The following OXCT1 variants were observed in gnomAD, a reference collection of about 807,000 sequenced individuals.
OXCT1 encodes 3-oxoacid CoA-transferase 1.
OXCT1 carries 27 observed loss-of-function variants against 69.6 expected under a neutral mutation model. The observed-to-expected ratio is 0.39, with a 90% CI of 0.29 to 0.54. OXCT1 has a LOEUF of 0.54. Among genes scored for constraint, OXCT1 ranks in the 20% least tolerant of loss-of-function variants. The pLI is 0.72. For synonymous variants in OXCT1, 202 were observed against 217.8 expected (o/e 0.93, Z 0.64); for missense variants, 437 against 650.2 (o/e 0.67, Z 3.57).
intron 1 of OXCT1, among the ~76,000 whole-genome samples, chr5:41,867,828 C>A (rs17213962): frequency 0.31 from 46,545 of 152,154 alleles, 8,823 homozygotes; most frequent in Non-Finnish European, 0.42. Context: ...ACTCTTATAA[C>A]CTTTTTCCCA....
At chr5:41,736,808 A>G (rs1489187640) in intron 16 of OXCT1, among the ~76,000 whole-genome samples, 2 of 152,212 alleles carry the variant, frequency 1.3e-5, no homozygotes, top group African/African-American at 4.8e-5. Flanking sequence ...GTTGACTGCC[A>G]GTTGAAGGCT....
At chr5:41,803,622 A>C (rs768149784) in intron 9 of OXCT1, among the ~76,000 whole-genome samples, 3 of 152,114 alleles carry the variant, frequency 2.0e-5, no homozygotes, top group Non-Finnish European at 4.4e-5. Flanking sequence ...TTCTGACAAT[A>C]CCAAAATTTC....
chr5:41,866,366 A>C (rs983740742), intron 1 of OXCT1, among the ~76,000 whole-genome samples: 1 of 152,216 alleles, frequency 6.6e-6, no homozygotes, highest in East Asian at 1.9e-4. Context: ...TAGCTTTAAG[A>C]TTACTTTCAC....
intron 7 of OXCT1, among the ~76,000 whole-genome samples, chr5:41,819,043 A>T (rs1348573548): frequency 2.6e-5 from 4 of 152,162 alleles, no homozygotes; most frequent in Non-Finnish European, 4.4e-5. Context: ...TGGAAAAAAT[A>T]CCATTTTTTG....
At chr5:41,797,852 G>A (rs932466876) in intron 11 of OXCT1, among the ~76,000 whole-genome samples, 1 of 152,162 alleles carries the variant, frequency 6.6e-6, no homozygotes, top group African/African-American at 2.4e-5. Flanking sequence ...TGATGCTGAC[G>A]CTGTGGGTCT....
rs769192196 is a variant in OXCT1 at position 41,794,087 on chromosome 5, GAA to G, written c.1173-11_1173-10del. 2 of 1,605,072 alleles carry G rather than the reference GAA, an allele frequency of 1.2e-6. No homozygotes were observed. The highest frequency in any genetic ancestry group is 2.2e-5 in the South Asian group (2 of 90,904). ...TCAGATCGACGTGTCCACTGAGAAA[GAA>G]AGAGGAAGAATAAAGTGAACCTCAT... On this transcript the variant is annotated splice_polypyrimidine_tract_variant and intron_variant, in intron 12 of 16. Transcript: ENST00000196371.
chr5:41,739,324 C>T (rs2111994226), intron 16 of OXCT1, 66 bp downstream of exon 16: 1 of 1,037,276 alleles, frequency 9.6e-7, no homozygotes, highest in Non-Finnish European at 1.5e-6. Flanking sequence ...TCATGTCCTG[C>T]AAACACCCAT....
At chr5:41,823,235 G>A (rs1747648530) in intron 7 of OXCT1, among the ~76,000 whole-genome samples, 1 of 152,138 alleles carries the variant, frequency 6.6e-6, no homozygotes, top group East Asian at 1.9e-4. Flanking sequence ...GGCAGGCCTT[G>A]TTAAAAAGAG....
intron 11 of OXCT1, among the ~76,000 whole-genome samples, chr5:41,795,066 C>T (rs1183582978): frequency 2.6e-5 from 4 of 152,154 alleles, no homozygotes; most frequent in Non-Finnish European, 5.9e-5. Context: ...AATTTTTCCA[C>T]AGACTGGGGG....
chr5:41,864,614 C>T (rs1210200716), intron 1 of OXCT1, among the ~76,000 whole-genome samples: 2 of 152,178 alleles, frequency 1.3e-5, no homozygotes, highest in Non-Finnish European at 2.9e-5. Context: ...GTGCATATAT[C>T]TAATCCAACC....
intron 5 of OXCT1, among the ~76,000 whole-genome samples, chr5:41,843,026 G>A (rs1346667614): frequency 6.6e-6 from 1 of 152,156 alleles, no homozygotes; most frequent in Non-Finnish European, 1.5e-5. Flanking sequence ...TTGTGCATTT[G>A]AGGAACTGAA....
At chr5:41,833,074 T>C (rs564907814) in intron 7 of OXCT1, among the ~76,000 whole-genome samples, 74 of 152,150 alleles carry the variant, frequency 4.9e-4, no homozygotes, top group African/African-American at 1.7e-3. Flanking sequence ...GAGAAAGAGA[T>C]AGGAGTAGAA....
At chr5:41,769,979 C>T (rs1354235393) in intron 13 of OXCT1, among the ~76,000 whole-genome samples, 1 of 152,108 alleles carries the variant, frequency 6.6e-6, no homozygotes, top group African/African-American at 2.4e-5. Flanking sequence ...AGGCTGGTCT[C>T]GAACTCCTGA....
At chr5:41,861,133 G>A (rs957619066) in intron 3 of OXCT1, among the ~76,000 whole-genome samples, 181 bp downstream of exon 3, 1 of 151,638 alleles carries the variant, frequency 6.6e-6, no homozygotes, top group Non-Finnish European at 1.5e-5. Context: ...TATGAAGGAT[G>A]GTACCAAAAA....
chr5:41,849,836 TA>T (rs1423182967), intron 5 of OXCT1, among the ~76,000 whole-genome samples, 193 bp downstream of exon 5: 6 of 152,350 alleles, frequency 3.9e-5, no homozygotes, highest in Non-Finnish European at 8.8e-5. Flanking sequence ...TCCTTCTTTT[TA>T]TTGTAGTTTC....
chr5:41,805,617 C>A lies in OXCT1; in HGVS notation c.905G>T (p.Arg302Met). Reference sequence around the variant, plus strand: ...AGCGGCCCTCTTGATGATTCGTTCCCTTACGTCATCTCCAGGTTTAGCAGA... The same window carrying A: ...AGCGGCCCTCTTGATGATTCGTTCCATTACGTCATCTCCAGGTTTAGCAGA... Reference protein sequence around the residue: ...AKSAKPGDDVRERIIKRAALE... With the variant: ...AKSAKPGDDVMERIIKRAALE... Residue 302 changes from arginine to methionine, a missense_variant, in exon 9 of 17, where the codon AGG becomes ATG. By Grantham distance (91) the Arg-to-Met change is moderately conservative. Around this residue, in one of 4 missense-constraint regions of OXCT1, gnomAD observed 252 missense variants for 397.4 expected, o/e 0.63. Coordinates refer to ENST00000196371, the MANE Select transcript of OXCT1 (RefSeq NM_000436.4). The A allele has an allele frequency of 6.2e-7, 1 of 1,613,112 alleles. No homozygotes were observed. The highest frequency in any genetic ancestry group is 8.5e-7 in the Non-Finnish European group (1 of 1,179,366).
At chr5:41,794,146 G>T in intron 12 of OXCT1, 68 bp from the exon 13 acceptor site, 1 of 1,151,040 alleles carries the variant, frequency 8.7e-7, no homozygotes, top group Non-Finnish European at 1.3e-6. Flanking sequence ...GAACTTGCCA[G>T]CAATTAGAAT....
chr5:41,751,142 A>AT, intron 14 of OXCT1, among the ~76,000 whole-genome samples: 1 of 152,294 alleles, frequency 6.6e-6, no homozygotes, highest in South Asian at 2.1e-4. Flanking sequence ...AACAGCTGAA[A>AT]TTAATGACAA....
intron 7 of OXCT1, among the ~76,000 whole-genome samples, chr5:41,835,096 GT>G: frequency 6.6e-6 from 1 of 151,918 alleles, no homozygotes; most frequent in Non-Finnish European, 1.5e-5. Flanking sequence ...AACGGTGGGG[GT>G]GGGGGTAGGG....
Sources: allele counts gnomAD v4.1 joint callset (sites outside exome capture counted in the v4.1 genomes callset), GRCh38; gene constraint gnomAD v4.1.1; regional missense constraint gnomAD v4.1.1; transcripts MANE v1.5; gene names NCBI Gene and HGNC (gene_info 2026-07-23, HGNC 2026-07-21).